The following SPG11 variants were observed in gnomAD, a reference collection of about 807,000 sequenced individuals.
The protein encoded by SPG11 is spatacsin.
In SPG11, 222 loss-of-function variants were observed where a neutral mutation model predicts 274.0. The observed-to-expected ratio is 0.81, with a 90% CI of 0.73 to 0.91. The LOEUF is 0.91. Ranked by LOEUF, SPG11 falls within the 40% of genes least tolerant of loss-of-function variation. SPG11 has a pLI of 0.00. For synonymous variants in SPG11, 1,144 were observed against 1,039.7 expected (o/e 1.10, Z -1.93); for missense variants, 3,114 against 2,872.7 (o/e 1.08, Z -1.92).
At chr15:44,618,237 A>C (rs1796172528) in intron 15 of SPG11, among the ~76,000 whole-genome samples, 2 of 151,246 alleles carry the variant, frequency 1.3e-5, no homozygotes, top group African/African-American at 4.9e-5. Flanking sequence ...GGCCAGGCGC[A>C]GTGGCTCACG....
At chr15:44,655,482 G>C (rs992806988) in intron 4 of SPG11, among the ~76,000 whole-genome samples, 10 of 152,194 alleles carry the variant, frequency 6.6e-5, no homozygotes, top group African/African-American at 2.2e-4. Flanking sequence ...GCGGTTGCTT[G>C]CCTTTTCAGA....
chr15:44,566,081 G>A (rs758373032), intron 37 of SPG11, 72 bp from the exon 38 acceptor site: 347 of 1,597,788 alleles, frequency 2.2e-4, no homozygotes, highest in Middle Eastern at 7.0e-4. Context: ...CCCTCACAAC[G>A]GTATTCACCC....
At chr15:44,601,160 C>CA (rs905946447) in intron 20 of SPG11, among the ~76,000 whole-genome samples, 10 of 150,960 alleles carry the variant, frequency 6.6e-5, no homozygotes, top group Non-Finnish European at 1.0e-4. Flanking sequence ...TTCAAAAAAA[C>CA]AAAAAAAAGT....
intron 26 of SPG11, among the ~76,000 whole-genome samples, chr15:44,592,899 G>A (rs1468288951): frequency 6.6e-6 from 1 of 151,862 alleles, no homozygotes; most frequent in Admixed American, 6.6e-5. Flanking sequence ...AGTTGAGGGA[G>A]GATCACTTGA....
At chr15:44,575,639 C>T (rs1039285851) in intron 30 of SPG11, among the ~76,000 whole-genome samples, 13 of 151,576 alleles carry the variant, frequency 8.6e-5, no homozygotes, top group East Asian at 2.0e-4. Flanking sequence ...GGATTACAGG[C>T]GTGCACCACC....
intron 7 of SPG11, among the ~76,000 whole-genome samples, chr15:44,639,807 ATC>A (rs1372784549): frequency 6.6e-6 from 1 of 151,930 alleles, no homozygotes; most frequent in African/African-American, 2.4e-5. Flanking sequence ...ACTCAATAAA[ATC>A]TAATAAATTA....
intron 38 of SPG11, among the ~76,000 whole-genome samples, chr15:44,565,103 C>G (rs144983189): frequency 5.6e-4 from 86 of 152,276 alleles, no homozygotes; most frequent in African/African-American, 2.0e-3. Flanking sequence ...TTCCCATTAG[C>G]AGTATGAGGA....
chr15:44,621,375 A>G (rs2083745606), intron 14 of SPG11: 1 of 163,270 alleles, frequency 6.1e-6, no homozygotes, highest in African/African-American at 2.4e-5. Context: ...CATAATAGTA[A>G]GCCAGAATTT....
intron 7 of SPG11, among the ~76,000 whole-genome samples, chr15:44,636,958 CAAAAAAAA>C: frequency 1.1e-5 from 1 of 89,118 alleles, no homozygotes; most frequent in East Asian, 3.2e-4. Flanking sequence ...AAAAAAAAAA[CAAAAAAAA>C]AACACAAATG....
chr15:44,583,803 C>T lies in SPG11; in HGVS notation c.5866+11G>A, dbSNP rs371103134. On this transcript the variant is annotated intron_variant, in intron 30 of 39. Transcript: ENST00000261866. ...TTTAAGACTCTGGGCCATCTGATCT[C>T]CTTCACTTACTGCTGTGGACTCTCC... 3 of 1,614,016 alleles carry T rather than the reference C, an allele frequency of 1.9e-6. No homozygotes were observed. Among genetic ancestry groups the T allele is most frequent in the Admixed American group, 1.7e-5 (1 of 59,992 alleles).
chr15:44,574,809 T>C (rs2082499320), intron 31 of SPG11, 93 bp downstream of exon 31: 8 of 1,456,458 alleles, frequency 5.5e-6, no homozygotes, highest in Non-Finnish European at 7.7e-6. Flanking sequence ...ATGATTATCA[T>C]CTAAAAGGCT....
At chr15:44,631,661 C>CTTT (rs778676384) in intron 8 of SPG11, among the ~76,000 whole-genome samples, 1 of 124,722 alleles carries the variant, frequency 8.0e-6, no homozygotes, top group Non-Finnish European at 1.7e-5. Flanking sequence ...CTGCATCAGG[C>CTTT]TTTTTTTTTT....
intron 2 of SPG11, 98 bp downstream of exon 2, chr15:44,660,334 T>C (rs2085067293): frequency 1.9e-6 from 2 of 1,076,506 alleles, no homozygotes; most frequent in African/African-American, 1.5e-5. Context: ...TCAGACAGCG[T>C]AGACCTGATT....
rs1291472512 is a variant in SPG11 at position 44,570,609 on chromosome 15, G to A, written c.6393C>T (p.His2131=). ...LAHHCFTLTC[H]MEGIIRVLQA... Reference sequence around the variant, plus strand: ...GTAGGACTCGGATGATGCCCTCCATGTGGCACGTCAGGGTGAAGCAATGAT... The same window carrying A: ...GTAGGACTCGGATGATGCCCTCCATATGGCACGTCAGGGTGAAGCAATGAT... Residue 2131 remains histidine, a synonymous_variant, in exon 34 of 40, where the codon CAC becomes CAT. Coordinates refer to ENST00000261866, the MANE Select transcript of SPG11 (RefSeq NM_025137.4). The A allele has an allele frequency of 6.2e-7, 1 of 1,614,120 alleles. No homozygotes were observed. Among genetic ancestry groups the A allele is most frequent in the South Asian group, 1.1e-5 (1 of 91,080 alleles).
chr15:44,636,852 G>A lies in SPG11; in HGVS notation c.1603-3215C>T, dbSNP rs150710942. 8.9e-3 allele frequency among the ~76,000 whole-genome samples: 1,306 copies of A among 147,238 alleles called. 23 individuals are homozygous for A. Among genetic ancestry groups the A allele is most frequent in the African/African-American group, 0.031 (1,221 of 39,300 alleles). On this transcript the variant is annotated intron_variant, in intron 7 of 39. Transcript: ENST00000261866. ...GAGAGAGGAGAATCGCTTGAACCCA[G>A]GAGGCAGGGGTTGCACTGAGCAGAG...
intron 30 of SPG11, 86 bp downstream of exon 30, chr15:44,583,728 A>T: frequency 3.8e-6 from 6 of 1,578,596 alleles, no homozygotes; most frequent in Non-Finnish European, 5.2e-6. Flanking sequence ...TGGTAGAACT[A>T]TTCTGCCACA....
rs1015106182 is a variant in SPG11, at chr15:44,652,379, A to G, written c.870-113T>C. Reference sequence around the variant, plus strand: ...TTACAGAGAAGGAATAGTACAACAAATTCCGCAGAAAGGAACTCCTTATCT... The same window carrying G: ...TTACAGAGAAGGAATAGTACAACAAGTTCCGCAGAAAGGAACTCCTTATCT... On this transcript the variant is annotated intron_variant, in intron 4 of 39. Transcript: ENST00000261866. The G allele has an allele frequency of 5.2e-6, 6 of 1,148,850 alleles. No homozygotes were observed. In the African/African-American group the frequency reaches 9.2e-5, roughly 18 times the overall value. 71.2% of individuals were successfully genotyped at this position (1,148,850 alleles called of 1,614,324 possible).
rs903130015 is a variant in SPG11, at chr15:44,563,464, G to A, written c.7152-163C>T. ...AGTGATTCTTGTGCCTCAGCCTCCC[G>A]AGTAGGTGGGATTACATGAGTGTGT... On this transcript the variant is annotated intron_variant, in intron 39 of 39. Transcript: ENST00000261866. Among the ~76,000 whole-genome samples, 5 of 151,796 alleles carry A rather than the reference G, an allele frequency of 3.3e-5. No homozygotes were observed. The South Asian group carries it at 1.0e-3, about 32-fold the overall frequency.
In SPG11 at chr15:44,660,417, C is replaced by A. The variant is rs761894972; in HGVS notation, c.442+15G>T. On this transcript the variant is annotated intron_variant, in intron 2 of 39. Transcript: ENST00000261866. ...CAAATTTAAATATGCTGAAAGACCA[C>A]CTGTAGATACTTACTGATATCTTGA... The A allele has an allele frequency of 6.2e-7, 1 of 1,610,084 alleles. No individual in the cohort carries two copies. Among genetic ancestry groups the A allele is most frequent in the Non-Finnish European group, 8.5e-7 (1 of 1,177,308 alleles).
Sources: allele counts gnomAD v4.1 joint callset (sites outside exome capture counted in the v4.1 genomes callset), GRCh38; gene constraint gnomAD v4.1.1; transcripts MANE v1.5; gene names NCBI Gene and HGNC (gene_info 2026-07-23, HGNC 2026-07-21).